Variants in HGFAC observed in about 807,000 individuals in gnomAD.
The protein encoded by HGFAC is HGF activator.
HGFAC carries 76 observed loss-of-function variants against 70.6 expected under a neutral mutation model. The observed-to-expected ratio is 1.08, with a 90% CI of 0.89 to 1.30. HGFAC has a LOEUF of 1.30. Among genes scored for constraint, HGFAC ranks in the 50% most tolerant of loss-of-function variants. The pLI, the probability that HGFAC is intolerant of heterozygous loss-of-function variation, is 0.00. For missense variants in HGFAC, 1,044 were observed against 933.7 expected, an observed-to-expected ratio of 1.12 and a Z score of -1.54; for synonymous variants, 464 against 405.3, an observed-to-expected ratio of 1.14 and a Z score of -1.74.
In HGFAC at chr4:3,447,421, G is replaced by T. The variant is rs183640924; in HGVS notation, c.1356-71G>T. On this transcript the variant is annotated intron_variant, in intron 10 of 13. Coordinates refer to ENST00000382774, the MANE Select transcript of HGFAC (RefSeq NM_001528.4). Reference sequence around the variant, plus strand: ...CCATTGGCCTCCGTGGGCCTGACAGGGGGTGGGGAGAGGTGAGCCCGGTGG... The same window carrying T: ...CCATTGGCCTCCGTGGGCCTGACAGTGGGTGGGGAGAGGTGAGCCCGGTGG... 2.2e-4 allele frequency: 338 copies of T among 1,561,612 alleles called. 2 individuals carry two copies. The East Asian group carries it at 6.7e-3, about 31-fold the overall frequency.
Position 3,444,871 on chromosome 4 carries a change from C to T in HGFAC, c.894C>T (p.Ala298=), listed in dbSNP as rs1049879406. 2 of 1,607,196 alleles carry T rather than the reference C, an allele frequency of 1.2e-6. No individual in the cohort carries two copies. Among genetic ancestry groups the T allele is most frequent in the African/African-American group, 1.3e-5 (1 of 74,860 alleles). ...ACGGCACTGGGTACCGTGGCGTGGC[C>T]AGCACCTCAGCCTCGGGCCTCAGCT... ...LGNGTGYRGV[A]STSASGLSCL... Residue 298 remains alanine, a synonymous_variant, in exon 8 of 14, where the codon GCC becomes GCT. Coordinates refer to ENST00000382774, the MANE Select transcript of HGFAC (RefSeq NM_001528.4).
In HGFAC at chr4:3,444,071, C is replaced by G. The variant is rs760704550; in HGVS notation, c.508C>G (p.Leu170Val). The part of the protein sequence containing the change: ...ALDPCASGPC[L>V]NGGSCSNTQD... ...GGATCCCTGTGCCTCCGGCCCCTGCCTCAATGGAGGCTCCTGCTCCAATAC... is the reference window on the plus strand; with the variant it reads ...GGATCCCTGTGCCTCCGGCCCCTGCGTCAATGGAGGCTCCTGCTCCAATAC... The change falls in exon 5 of 14, where the codon CTC (leucine) becomes GTC (valine). Residue 170 changes from leucine (L) to valine (V), a missense_variant. Physicochemically the swap from Leu to Val is conservative, Grantham distance 32. Coordinates refer to ENST00000382774, the MANE Select transcript of HGFAC (RefSeq NM_001528.4). 6.2e-7 allele frequency: 1 copy of G among 1,610,626 alleles called. No individual in the cohort carries two copies. The highest frequency in any genetic ancestry group is 1.3e-5 in the African/African-American group (1 of 74,764).
In HGFAC at chr4:3,446,231, T is replaced by C. The variant is rs766564708; in HGVS notation, c.1292T>C (p.Phe431Ser). The change falls in exon 10 of 14, where the codon TTC becomes TCC. Residue 431 changes from phenylalanine to serine, a missense_variant. Coordinates refer to ENST00000382774, the MANE Select transcript of HGFAC (RefSeq NM_001528.4). ...WLAAIYIGDS[F>S]CAGSLVHTCW... Reference sequence around the variant, plus strand: ...GCCGCCATCTACATCGGGGACAGCTTCTGCGCCGGGAGCCTGGTCCACACC... The same window carrying C: ...GCCGCCATCTACATCGGGGACAGCTCCTGCGCCGGGAGCCTGGTCCACACC... The C allele has an allele frequency of 1.9e-6, 3 of 1,610,550 alleles. No individual in the cohort carries two copies. The highest frequency in any genetic ancestry group is 2.5e-6 in the Non-Finnish European group (3 of 1,179,092).
chr4:3,445,699 C>G (rs1427821398), intron 9 of HGFAC: 2 of 647,342 alleles, frequency 3.1e-6, no homozygotes, highest in African/African-American at 3.7e-5. Context: ...GGAGAGGCCC[C>G]CCGGCTCCCT....
At position 3,444,853 on chromosome 4, in the gene HGFAC, T is replaced by G; in HGVS notation, c.876T>G (p.Thr292=). 1 of 1,604,422 alleles carries G rather than the reference T, an allele frequency of 6.2e-7. No homozygotes were observed. The highest frequency in any genetic ancestry group is 8.5e-7 in the Non-Finnish European group (1 of 1,176,100). Residue 292 remains threonine (T), a synonymous_variant, in exon 8 of 14, where the codon ACT becomes ACG. Coordinates refer to ENST00000382774, the MANE Select transcript of HGFAC (RefSeq NM_001528.4). The part of the protein sequence containing the change: ...PDERCFLGNG[T]GYRGVASTSA... ...AGCGCTGCTTCTTGGGGAACGGCAC[T>G]GGGTACCGTGGCGTGGCCAGCACCT...
chr4:3,449,188 C>T (rs752608514), intron 13 of HGFAC, 49 bp from the exon 14 acceptor site: 1 of 1,555,642 alleles, frequency 6.4e-7, no homozygotes, highest in Non-Finnish European at 8.7e-7. Context: ...GAGGGGGGTC[C>T]CTGAACCAGG....
chr4:3,448,241 G>A lies in HGFAC; in HGVS notation c.1750G>A (p.Ala584Thr), dbSNP rs1725598741. The part of the protein sequence containing the change: ...GADISPNMLC[A>T]GYFDCKSDAC... ...CGACATCAGCCCCAACATGCTCTGT[G>A]CCGGCTACTTCGACTGCAAGTCCGA... The change falls in exon 13 of 14, where the codon GCC becomes ACC. Residue 584 changes from alanine (A) to threonine (T), a missense_variant. By Grantham distance (58) the Ala-to-Thr change is moderately conservative. Coordinates refer to ENST00000382774, the MANE Select transcript of HGFAC (RefSeq NM_001528.4). 1 of 1,609,488 alleles carries A rather than the reference G, an allele frequency of 6.2e-7. No homozygotes were observed.
intron 9 of HGFAC, chr4:3,445,784 G>A (rs915490353): frequency 6.4e-6 from 8 of 1,248,268 alleles, no homozygotes; most frequent in African/African-American, 4.4e-5. Flanking sequence ...GTGGGGTTCC[G>A]GGCTGCTGAG....
Position 3,444,656 on chromosome 4 carries a change from C to G in HGFAC, c.764C>G (p.Thr255Ser), listed in dbSNP as rs780574447. 8.1e-6 allele frequency: 13 copies of G among 1,598,028 alleles called. No individual in the cohort carries two copies. Among genetic ancestry groups the G allele is most frequent in the Non-Finnish European group, 5.9e-6 (7 of 1,178,330 alleles). The change falls in exon 7 of 14, where the codon ACC becomes AGC. Residue 255 changes from threonine to serine, a missense_variant. By Grantham distance (58) the Thr-to-Ser change is moderately conservative (BLOSUM62 1). Coordinates refer to ENST00000382774, the MANE Select transcript of HGFAC (RefSeq NM_001528.4). ...CLSSPCLNGG[T>S]CHLIVATGTT... Reference sequence around the variant, plus strand: ...AGCAGCCCTTGCCTGAACGGGGGCACCTGCCACCTGATCGTGGCCACCGGG... The same window carrying G: ...AGCAGCCCTTGCCTGAACGGGGGCAGCTGCCACCTGATCGTGGCCACCGGG...
At chr4:3,443,983 AGAGG>A (rs1246609158) in intron 4 of HGFAC, 52 bp from the exon 5 acceptor site, 125 of 1,516,250 alleles carry the variant, frequency 8.2e-5, no homozygotes, top group East Asian at 6.0e-4. Context: ...AGAATGTCAC[AGAGG>A]GACCCTGAGC....
In HGFAC at chr4:3,444,895, C is replaced by G; in HGVS notation, c.918C>G (p.Ser306Arg). Residue 306 changes from serine to arginine, a missense_variant, in exon 8 of 14, where the codon AGC becomes AGG. Physicochemically the swap from Ser to Arg is moderately radical, Grantham distance 110. Transcript: ENST00000382774. ...CCAGCACCTCAGCCTCGGGCCTCAG[C>G]TGCCTGGCCTGGAACTCCGATCTGC... ...GVASTSASGL[S>R]CLAWNSDLLY... The G allele has an allele frequency of 1.2e-6, 2 of 1,609,082 alleles. No individual in the cohort carries two copies. Among genetic ancestry groups the G allele is most frequent in the Non-Finnish European group, 1.7e-6 (2 of 1,178,550 alleles).
At chr4:3,446,856 G>C (rs751500998) in intron 10 of HGFAC, among the ~76,000 whole-genome samples, 14 of 152,166 alleles carry the variant, frequency 9.2e-5, no homozygotes, top group Non-Finnish European at 1.6e-4. Context: ...GCAGGGGTCC[G>C]GCCAGCCGAG....
At chr4:3,447,782 T>A (rs1725567390) in intron 11 of HGFAC, 113 bp from the exon 12 acceptor site, 24 of 1,529,760 alleles carry the variant, frequency 1.6e-5, no homozygotes, top group Non-Finnish European at 2.1e-5. Flanking sequence ...CCCTTCTGGA[T>A]CTCCCAGGCT....
intron 3 of HGFAC, 70 bp downstream of exon 3, chr4:3,443,216 G>T: frequency 7.5e-7 from 1 of 1,336,894 alleles, no homozygotes. Flanking sequence ...TCTGGGAGCC[G>T]GGCACACAGT....
intron 3 of HGFAC, 52 bp downstream of exon 3, chr4:3,443,198 C>T: frequency 7.3e-7 from 1 of 1,376,418 alleles, no homozygotes; most frequent in Non-Finnish European, 9.7e-7. Context: ...CCCCACGCTG[C>T]CTGCTTTTCT....
At chr4:3,443,932 A>C in intron 4 of HGFAC, 107 bp from the exon 5 acceptor site, 1 of 1,270,426 alleles carries the variant, frequency 7.9e-7, no homozygotes, top group East Asian at 2.5e-5. Flanking sequence ...CTTTGCTCTC[A>C]GAGCCCCTCA....
chr4:3,442,863 C>T lies in HGFAC; in HGVS notation c.249C>T (p.Leu83=), dbSNP rs1436812192. The change falls in exon 2 of 14, where the codon CTC becomes CTT. Residue 83 remains leucine, a synonymous_variant. Transcript: ENST00000382774. ...PEAEGPQSGG[L]PPPPRAVPSS... ...CAGAGGGACCCCAAAGTGGGGGGCT[C>T]CCGCCCCCGCCCAGGGCAGTTCCCT... is the stretch of plus-strand genomic sequence containing the variant. 1.9e-6 allele frequency: 3 copies of T among 1,572,426 alleles called. No individual in the cohort carries two copies. Among genetic ancestry groups the T allele is most frequent in the Middle Eastern group, 3.4e-4 (2 of 5,878 alleles).
intron 12 of HGFAC, 28 bp from the exon 13 acceptor site, chr4:3,448,100 G>T: frequency 6.4e-7 from 1 of 1,570,130 alleles, no homozygotes; most frequent in Non-Finnish European, 8.6e-7. Context: ...CAGTGTGGGT[G>T]TCACGCTGAG....
Position 3,448,181 on chromosome 4 carries a change from G to A in HGFAC, c.1690G>A (p.Asp564Asn), listed in dbSNP as rs767158380. The change falls in exon 13 of 14, where the codon GAC becomes AAC. Residue 564 changes from aspartate to asparagine, a missense_variant. Physicochemically the swap from Asp to Asn is conservative, Grantham distance 23. Transcript: ENST00000382774. ...GGAGGCCCTGGTCCCCCTGGTCGCCGACCACAAGTGCAGCAGCCCTGAGGT... is the reference window on the plus strand; with the variant it reads ...GGAGGCCCTGGTCCCCCTGGTCGCCAACCACAAGTGCAGCAGCCCTGAGGT... Reference protein sequence around the residue: ...LREALVPLVADHKCSSPEVYG... With the variant: ...LREALVPLVANHKCSSPEVYG... 66 of 1,603,292 alleles carry A rather than the reference G, an allele frequency of 4.1e-5. No individual in the cohort carries two copies. Among genetic ancestry groups the A allele is most frequent in the East Asian group, 1.1e-4 (5 of 44,550 alleles).
Sources: gnomAD v4.1 joint callset for allele counts (sites outside exome capture counted in the v4.1 genomes callset) on GRCh38, gnomAD v4.1.1 for gene constraint, MANE v1.5 for transcripts, NCBI Gene and HGNC (gene_info 2026-07-23, HGNC 2026-07-21) for gene names.